The following PGBD5 variants were observed in gnomAD, a reference collection of about 807,000 sequenced individuals.
PGBD5 encodes the protein piggyBac transposable element derived 5, also known as piggyBac transposable element-derived protein 5.
A neutral mutation model predicts 47.9 loss-of-function variants in PGBD5; 14 were observed. The ratio of observed to expected loss-of-function variants is 0.29; its 90% confidence interval spans 0.19 to 0.46. The LOEUF (loss-of-function observed/expected upper bound fraction) is 0.46. PGBD5 is among the 20% of genes least tolerant of loss of function. The pLI, the probability that PGBD5 is intolerant of heterozygous loss-of-function variation, is 1.00. For synonymous variants in PGBD5, 316 were observed against 306.3 expected (o/e 1.03, Z -0.33); for missense variants, 635 against 716.0 (o/e 0.89, Z 1.29).
chr1:230,351,986 C>CAGGGAGGGA, intron 2 of PGBD5, among the ~76,000 whole-genome samples: 1 of 152,312 alleles, frequency 6.6e-6, no homozygotes, highest in Admixed American at 6.5e-5. Flanking sequence ...GAACGTGCTA[C>CAGGGAGGGA]ACTTCCCTCC....
chr1:230,316,184 A>C lies in PGBD5; in HGVS notation c.*7241T>G, dbSNP rs890277187. ...TATGTGTATACATACATACGTACAC[A>C]TGTGCATGTGTATACATACATATGT... On this transcript the variant is annotated 3_prime_UTR_variant, in exon 7 of 7. Coordinates refer to ENST00000391860, the MANE Select transcript of PGBD5 (RefSeq NM_001258311.2). 4 of 41,144 alleles carry C rather than the reference A, an allele frequency of 9.7e-5. No homozygotes were observed. The highest frequency in any genetic ancestry group is 6.3e-4 in the South Asian group (1 of 1,580). The allele number at this position is 41,144 out of a possible 1,614,324, so 2.5% of individuals were successfully genotyped here. A position where few individuals can be genotyped will look rare whatever the true frequency, so the allele number is the denominator to read the frequency against.
At chr1:230,389,250 C>T (rs923687291) in intron 1 of PGBD5, among the ~76,000 whole-genome samples, 2 of 151,078 alleles carry the variant, frequency 1.3e-5, no homozygotes, top group South Asian at 2.1e-4. Flanking sequence ...CTTGGCTCAT[C>T]GCAGCCTCTG....
intron 1 of PGBD5, among the ~76,000 whole-genome samples, chr1:230,423,174 A>G (rs1657698251): frequency 6.6e-6 from 1 of 152,214 alleles, no homozygotes; most frequent in Admixed American, 6.5e-5. Context: ...CAAGGCAGGA[A>G]GCCTCTATCA....
At chr1:230,358,120 T>A (rs1667685074) in intron 1 of PGBD5, among the ~76,000 whole-genome samples, 1 of 151,260 alleles carries the variant, frequency 6.6e-6, no homozygotes, top group Admixed American at 6.6e-5. Context: ...ACTCCAACAC[T>A]CCCCCCAGAC....
intron 1 of PGBD5, among the ~76,000 whole-genome samples, chr1:230,368,632 A>G (rs139760606): frequency 2.0e-3 from 298 of 152,376 alleles, no homozygotes; most frequent in Non-Finnish European, 2.5e-3. Flanking sequence ...CAGCACACAC[A>G]GAAAGTCAAA....
Position 230,315,975 on chromosome 1 carries a change from TATGTATGTGTATACATACATAA to T in PGBD5, c.*7428_*7449del, listed in dbSNP as rs1666934937. 7.3e-6 allele frequency: 1 copy of T among 137,810 alleles called. No individual in the cohort carries two copies. The allele number at this position is 137,810 out of a possible 1,614,324, so 8.5% of individuals were successfully genotyped here. A position where few individuals can be genotyped will look rare whatever the true frequency, so the allele number is the denominator to read the frequency against. On this transcript the variant is annotated 3_prime_UTR_variant, in exon 7 of 7. Coordinates refer to ENST00000391860, the MANE Select transcript of PGBD5 (RefSeq NM_001258311.2). Reference sequence around the variant, plus strand: ...ATACATAAGTATATGTGTACACATATATGTATGTGTATACATACATAAGTATATGTGTACACATATATGTATG... The same window carrying T: ...ATACATAAGTATATGTGTACACATATGTATATGTGTACACATATATGTATG...
At chr1:230,401,292 A>C (rs1657131992) in intron 1 of PGBD5, among the ~76,000 whole-genome samples, 1 of 152,238 alleles carries the variant, frequency 6.6e-6, no homozygotes, top group Non-Finnish European at 1.5e-5. Context: ...CACACTGGAC[A>C]CAGGTGGCGC....
chr1:230,349,215 C>T (rs1295689038), intron 3 of PGBD5, among the ~76,000 whole-genome samples: 2 of 152,036 alleles, frequency 1.3e-5, no homozygotes, highest in Admixed American at 6.6e-5. Flanking sequence ...ACACAGGATC[C>T]GCATGTAAAC....
chr1:230,356,861 T>A, intron 2 of PGBD5, 33 bp downstream of exon 2: 1 of 1,594,032 alleles, frequency 6.3e-7, no homozygotes, highest in Non-Finnish European at 8.6e-7. Context: ...CGAGGACACC[T>A]GGACAAGCTC....
chr1:230,387,664 G>T (rs2102730332), intron 1 of PGBD5, among the ~76,000 whole-genome samples: 1 of 152,316 alleles, frequency 6.6e-6, no homozygotes, highest in South Asian at 2.1e-4. Flanking sequence ...CTTGTAGAAG[G>T]GTGGTGATTC....
chr1:230,373,296 G>T (rs113283958), intron 1 of PGBD5, among the ~76,000 whole-genome samples: 1 of 152,144 alleles, frequency 6.6e-6, no homozygotes, highest in South Asian at 2.1e-4. Flanking sequence ...TACACAATAG[G>T]TGTCAATCCC....
intron 1 of PGBD5, among the ~76,000 whole-genome samples, chr1:230,361,151 C>G (rs1203833545): frequency 6.6e-6 from 1 of 152,176 alleles, no homozygotes; most frequent in African/African-American, 2.4e-5. Flanking sequence ...TTCCCATCAC[C>G]TCCTCCCTCT....
At chr1:230,381,117 T>C (rs1656478764) in intron 1 of PGBD5, among the ~76,000 whole-genome samples, 1 of 152,254 alleles carries the variant, frequency 6.6e-6, no homozygotes, top group Non-Finnish European at 1.5e-5. Context: ...GAAATACCTA[T>C]TGTTTTGCCC....
chr1:230,327,827 C>T (rs1022390653), intron 5 of PGBD5, among the ~76,000 whole-genome samples: 1 of 152,244 alleles, frequency 6.6e-6, no homozygotes, highest in Non-Finnish European at 1.5e-5. Flanking sequence ...GCTGCCTCTG[C>T]CTCCAAGACC....
rs1006008308 is a variant in PGBD5, at chr1:230,316,064, G to A, written c.*7361C>T. 7.5e-6 allele frequency: 1 copy of A among 133,414 alleles called. No individual in the cohort carries two copies. Among genetic ancestry groups the A allele is most frequent in the Non-Finnish European group, 1.6e-5 (1 of 61,474 alleles). 8.3% of individuals were successfully genotyped at this position (133,414 alleles called of 1,614,324 possible). ...TATATGTGTACACATATATGTATGT[G>A]TATACATACATGTTTATGTGTATAC... On this transcript the variant is annotated 3_prime_UTR_variant, in exon 7 of 7. Transcript: ENST00000391860.
In PGBD5 at chr1:230,337,094, C is replaced by A; in HGVS notation, c.1075+14G>T. Reference sequence around the variant, plus strand: ...GGCTGGGCCGTATCCTCACTGGCTCCCCACTTGACTAACCTTGCTTCTCAA... The same window carrying A: ...GGCTGGGCCGTATCCTCACTGGCTCACCACTTGACTAACCTTGCTTCTCAA... On this transcript the variant is annotated intron_variant, in intron 4 of 6. Transcript: ENST00000391860. The A allele has an allele frequency of 1.2e-6, 2 of 1,611,366 alleles. No individual in the cohort carries two copies. Among genetic ancestry groups the A allele is most frequent in the Non-Finnish European group, 1.7e-6 (2 of 1,177,978 alleles).
intron 1 of PGBD5, among the ~76,000 whole-genome samples, chr1:230,403,650 T>C (rs1571861373): frequency 6.6e-6 from 1 of 152,278 alleles, no homozygotes; most frequent in East Asian, 1.9e-4. Context: ...AAGCAGCAGG[T>C]GGCGCTGCAA....
chr1:230,415,814 TATAA>T (rs1657499101), intron 1 of PGBD5, among the ~76,000 whole-genome samples: 1 of 152,186 alleles, frequency 6.6e-6, no homozygotes, highest in Admixed American at 6.5e-5. Flanking sequence ...AGGGACTTGT[TATAA>T]ATTAGTTGAT....
intron 1 of PGBD5, among the ~76,000 whole-genome samples, chr1:230,389,911 C>G (rs1229625438): frequency 6.6e-6 from 1 of 152,180 alleles, no homozygotes; most frequent in African/African-American, 2.4e-5. Flanking sequence ...CAAAGTGACA[C>G]TGCCTAGGGC....
Sources: gnomAD v4.1 joint callset for allele counts (sites outside exome capture counted in the v4.1 genomes callset) on GRCh38, gnomAD v4.1.1 for gene constraint, MANE v1.5 for transcripts, NCBI Gene and HGNC (gene_info 2026-07-23, HGNC 2026-07-21) for gene names.